GPR4: variants seen among roughly 807,000 people sequenced by gnomAD.
The protein encoded by GPR4 is G protein-coupled receptor 4.
Under a neutral mutation model 17.8 loss-of-function variants are expected in GPR4, and 11 were observed. That is an observed-to-expected ratio of 0.62 (90% CI 0.39 to 1.02). The LOEUF (loss-of-function observed/expected upper bound fraction) is 1.02. Among genes scored for constraint, GPR4 ranks in the 50% least tolerant of loss-of-function variants. The pLI, the probability that GPR4 is intolerant of heterozygous loss-of-function variation, is 0.00. For missense variants in GPR4, 364 were observed against 495.4 expected (o/e 0.73, Z 2.52); for synonymous variants, 219 against 222.8 (o/e 0.98, Z 0.15).
chr19:45,594,574 T>C (rs1351794973), intron 1 of GPR4, among the ~76,000 whole-genome samples: 1 of 152,186 alleles, frequency 6.6e-6, no homozygotes, highest in Non-Finnish European at 1.5e-5. Flanking sequence ...TCTTTCTCTT[T>C]GACAAACTGA....
chr19:45,590,418 G>T lies in GPR4; in HGVS notation c.*360C>A. The T allele has an allele frequency of 4.8e-6, 1 of 206,518 alleles. No individual in the cohort carries two copies. Among genetic ancestry groups the T allele is most frequent in the Non-Finnish European group, 9.6e-6 (1 of 103,870 alleles). 12.8% of individuals were successfully genotyped at this position (206,518 alleles called of 1,614,324 possible). ...CCAGGCATGGTGGCTCACATTTGTG[G>T]TCCCAGCTACTCGGGAGGCTGATGT... On this transcript the variant is annotated 3_prime_UTR_variant, in exon 2 of 2. Transcript: ENST00000323040.
At chr19:45,598,817 A>C (rs1756868514) in intron 1 of GPR4, among the ~76,000 whole-genome samples, 1 of 152,036 alleles carries the variant, frequency 6.6e-6, no homozygotes, top group Non-Finnish European at 1.5e-5. Context: ...CTGTTAACTA[A>C]ACAGCTTCCC....
Position 45,592,172 on chromosome 19 carries a change from A to C in GPR4, c.-306T>G. The C allele has an allele frequency of 6.5e-6, 2 of 308,232 alleles. No individual in the cohort carries two copies. Among genetic ancestry groups the C allele is most frequent in the Non-Finnish European group, 1.3e-5 (2 of 156,688 alleles). The allele number at this position is 308,232 out of a possible 1,614,324, so 19.1% of individuals were successfully genotyped here. On this transcript the variant is annotated 5_prime_UTR_variant, in exon 2 of 2. Coordinates refer to ENST00000323040, the MANE Select transcript of GPR4 (RefSeq NM_005282.3). ...GGAGTCAGTGTGTCAACGAGGGAGT[A>C]TGGGGGTGACACAAAAATTGGTCTC... is the stretch of plus-strand genomic sequence containing the variant.
intron 1 of GPR4, among the ~76,000 whole-genome samples, chr19:45,593,453 C>T (rs776370976): frequency 1.6e-4 from 23 of 148,300 alleles, no homozygotes; most frequent in African/African-American, 5.0e-4. Context: ...GAGCTGAGAT[C>T]GCACCACTGC....
chr19:45,596,113 G>A (rs1176321225), intron 1 of GPR4, among the ~76,000 whole-genome samples: 1 of 152,046 alleles, frequency 6.6e-6, no homozygotes. Flanking sequence ...GATCATTGCA[G>A]TAGCATCACC....
Position 45,592,082 on chromosome 19 carries a change from A to C in GPR4, c.-216T>G. 2.0e-6 allele frequency: 1 copy of C among 504,908 alleles called. No homozygotes were observed. The highest frequency in any genetic ancestry group is 3.4e-5 in the East Asian group (1 of 29,842). The allele number at this position is 504,908 out of a possible 1,614,324, so 31.3% of individuals were successfully genotyped here. The stretch of plus-strand genomic sequence containing the variant: ...GAAAAGTTGGAGGAGGGATGGAATT[A>C]TGACAGGAGGGAAGTCTGGAGGATG... On this transcript the variant is annotated 5_prime_UTR_variant, in exon 2 of 2. The change abolishes the stop of an existing upstream ORF in the 5' untranslated region. Coordinates refer to ENST00000323040, the MANE Select transcript of GPR4 (RefSeq NM_005282.3).
intron 1 of GPR4, among the ~76,000 whole-genome samples, chr19:45,593,453 C>A (rs776370976): frequency 6.1e-5 from 9 of 148,300 alleles, no homozygotes; most frequent in Non-Finnish European, 8.9e-5. Context: ...GAGCTGAGAT[C>A]GCACCACTGC....
Position 45,590,019 on chromosome 19 carries a change from C to T in GPR4, c.*759G>A, listed in dbSNP as rs983011003. 4 of 152,286 alleles carry T rather than the reference C, an allele frequency of 2.6e-5. No homozygotes were observed. The highest frequency in any genetic ancestry group is 4.4e-5 in the Non-Finnish European group (3 of 68,062). 9.4% of individuals were successfully genotyped at this position (152,286 alleles called of 1,614,324 possible). A position where few individuals can be genotyped will look rare whatever the true frequency, so the allele number is the denominator to read the frequency against. The stretch of plus-strand genomic sequence containing the variant: ...CTTGAGTTCTGACATTCTCCCTCTT[C>T]ATCCTCAGTCTTGACTTGGAGATCG... On this transcript the variant is annotated 3_prime_UTR_variant, in exon 2 of 2. Coordinates refer to ENST00000323040, the MANE Select transcript of GPR4 (RefSeq NM_005282.3).
chr19:45,601,433 G>T (rs1264553317), intron 1 of GPR4, among the ~76,000 whole-genome samples: 1 of 152,160 alleles, frequency 6.6e-6, no homozygotes, highest in East Asian at 1.9e-4. Context: ...GACCTGAGGG[G>T]CAGTGGGGTG....
In GPR4 at chr19:45,595,316, T is replaced by A. The variant is rs867377729; in HGVS notation, c.-831-2619A>T. On this transcript the variant is annotated intron_variant, in intron 1 of 1. Coordinates refer to ENST00000323040, the MANE Select transcript of GPR4 (RefSeq NM_005282.3). The stretch of plus-strand genomic sequence containing the variant: ...ATAAATAAATAAATAAATAAATAAA[T>A]AAAAAATAACTGGACAGAAAAGGGC... Among the ~76,000 whole-genome samples, 437 of 135,672 alleles carry A rather than the reference T, an allele frequency of 3.2e-3. 3 individuals carry two copies. The highest frequency in any genetic ancestry group is 4.0e-3 in the African/African-American group (142 of 35,842). 89.0% of individuals were successfully genotyped at this position (135,672 alleles called of 152,430 possible).
intron 1 of GPR4, among the ~76,000 whole-genome samples, chr19:45,594,354 G>T (rs1383972451): frequency 6.9e-6 from 1 of 145,294 alleles, no homozygotes; most frequent in Non-Finnish European, 1.5e-5. Flanking sequence ...CCTGGGAGGC[G>T]AAGGTTGCAG....
chr19:45,594,282 C>T (rs928343007), intron 1 of GPR4, among the ~76,000 whole-genome samples: 1 of 149,048 alleles, frequency 6.7e-6, no homozygotes, highest in Non-Finnish European at 1.5e-5. Context: ...ATTAGCTGGG[C>T]ATGGTGGCGC....
chr19:45,593,394 G>A lies in GPR4; in HGVS notation c.-831-697C>T, dbSNP rs558113987. Among the ~76,000 whole-genome samples the A allele has an allele frequency of 3.1e-3, 470 of 151,682 alleles. 1 individual carries two copies. Among genetic ancestry groups the A allele is most frequent in the Non-Finnish European group, 4.8e-3 (329 of 67,934 alleles). On this transcript the variant is annotated intron_variant, in intron 1 of 1. Coordinates refer to ENST00000323040, the MANE Select transcript of GPR4 (RefSeq NM_005282.3). Reference sequence around the variant, plus strand: ...CGTGCCTGTAATCCCAGCTACACAGGAGGCTGAGGCAGGAGAATTGCTTGA... The same window carrying A: ...CGTGCCTGTAATCCCAGCTACACAGAAGGCTGAGGCAGGAGAATTGCTTGA...
At chr19:45,599,818 C>A (rs746675332) in intron 1 of GPR4, 1 of 152,094 alleles carries the variant, frequency 6.6e-6, no homozygotes, top group Non-Finnish European at 1.5e-5. Flanking sequence ...AAGTACCTAC[C>A]CTAAGTTTCC....
At position 45,602,206 on chromosome 19, in the gene GPR4, A is replaced by G. The variant is rs1970118441; in HGVS notation, c.-943T>C. ...AGCGGATGCCCCCGCGGGGCAGAAC[A>G]GCGGCTACTCCTCCCGGCCCCCGGG... On this transcript the variant is annotated 5_prime_UTR_variant, in exon 1 of 2. Transcript: ENST00000323040. 1 of 152,204 alleles carries G rather than the reference A, an allele frequency of 6.6e-6. No individual in the cohort carries two copies. The highest frequency in any genetic ancestry group is 1.5e-5 in the Non-Finnish European group (1 of 68,044). 9.4% of individuals were successfully genotyped at this position (152,204 alleles called of 1,614,324 possible). A position where few individuals can be genotyped will look rare whatever the true frequency, so the allele number is the denominator to read the frequency against.
In GPR4 at chr19:45,590,953, A is replaced by G; in HGVS notation, c.914T>C (p.Leu305Pro). Residue 305 changes from leucine to proline, a missense_variant, in exon 2 of 2, where the codon CTC becomes CCC. Coordinates refer to ENST00000323040, the MANE Select transcript of GPR4 (RefSeq NM_005282.3). The stretch of plus-strand genomic sequence containing the variant: ...GGGCTTGTCGCTGGCCAGAAAGCGG[A>G]GCAGGTTGTGCAGGGCCTTGGCCAC... ...SDVAKALHNLLRFLASDKPQE... is the reference protein window; with the variant it reads ...SDVAKALHNLPRFLASDKPQE... 1.2e-6 allele frequency: 2 copies of G among 1,614,000 alleles called. No individual in the cohort carries two copies. The highest frequency in any genetic ancestry group is 1.7e-6 in the Non-Finnish European group (2 of 1,180,010).
At position 45,591,485 on chromosome 19, in the gene GPR4, G is replaced by A. The variant is rs1969994456; in HGVS notation, c.382C>T (p.Leu128=). The A allele has an allele frequency of 3.7e-6, 6 of 1,609,998 alleles. No homozygotes were observed. The highest frequency in any genetic ancestry group is 5.1e-6 in the Non-Finnish European group (6 of 1,178,278). ...AVAHPLRFAR[L]RRVKTAVAVS... ...GCCACGGCGGTCTTGACGCGGCGCA[G>A]GCGGGCGAAGCGGAGTGGGTGGGCC... Residue 128 remains leucine, a synonymous_variant, in exon 2 of 2, where the codon CTG becomes TTG. Transcript: ENST00000323040. The surrounding 1 kb of genome is among the most constrained non-coding windows in gnomAD (Gnocchi z 7.6).
chr19:45,595,367 A>G (rs938562582), intron 1 of GPR4, among the ~76,000 whole-genome samples: 2 of 152,052 alleles, frequency 1.3e-5, no homozygotes, highest in South Asian at 4.1e-4. Context: ...GGGACTGGGA[A>G]CCAAAGCTGC....
chr19:45,594,076 A>ATATATATATATATATTT (rs1555738329), intron 1 of GPR4, among the ~76,000 whole-genome samples: 13 of 74,006 alleles, frequency 1.8e-4, no homozygotes, highest in African/African-American at 4.9e-4. Flanking sequence ...ATATATATAT[A>ATATATATATATATATTT]TATATATATA....
Sources: allele counts gnomAD v4.1 joint callset (sites outside exome capture counted in the v4.1 genomes callset), GRCh38; gene constraint gnomAD v4.1.1; non-coding constraint Gnocchi (gnomAD v3.1); transcripts MANE v1.5; gene names NCBI Gene and HGNC (gene_info 2026-07-23, HGNC 2026-07-21).